Variants in RND1 observed in about 807,000 individuals in gnomAD.
RND1 encodes rho-related GTP-binding protein Rho6.
A neutral mutation model predicts 27.1 loss-of-function variants in RND1; 9 were observed. The observed-to-expected ratio is 0.33, with a 90% CI of 0.20 to 0.58. RND1 has a LOEUF of 0.58. Among genes scored for constraint, RND1 ranks in the 20% least tolerant of loss-of-function variants. RND1 has a pLI of 0.86. For synonymous variants in RND1, 108 were observed against 115.7 expected, an observed-to-expected ratio of 0.93 and a Z score of 0.43; for missense variants, 253 against 292.2, an observed-to-expected ratio of 0.87 and a Z score of 0.98.
rs138627547 is a variant in RND1, at chr12:48,860,148, A to G, written c.453+849T>C. 1.4e-3 allele frequency among the ~76,000 whole-genome samples: 203 copies of G among 149,236 alleles called. 1 individual carries two copies. Among genetic ancestry groups the G allele is most frequent in the Middle Eastern group, 3.7e-3 (1 of 272 alleles). ...GCCCAGGTGGGAGTGCAGTGGCACA[A>G]TCTCAGCTAACTGCAACCTCCATCT... On this transcript the variant is annotated intron_variant, in intron 4 of 4. Transcript: ENST00000309739.
chr12:48,864,406 TGTGTGTGTGTGC>T (rs1014883403), intron 2 of RND1, among the ~76,000 whole-genome samples: 8 of 120,390 alleles, frequency 6.6e-5, no homozygotes, highest in East Asian at 3.1e-4. Flanking sequence ...TGTGTGTGTG[TGTGTGTGTGTGC>T]GCGCGCGCGC....
At chr12:48,859,708 G>A (rs539886007) in intron 4 of RND1, among the ~76,000 whole-genome samples, 1 of 152,224 alleles carries the variant, frequency 6.6e-6, no homozygotes, top group South Asian at 2.1e-4. Context: ...GAAACATACT[G>A]AGACCTTGTC....
At chr12:48,864,918 T>A (rs1487145593) in intron 1 of RND1, 48 bp from the exon 2 acceptor site, 3 of 1,401,110 alleles carry the variant, frequency 2.1e-6, no homozygotes, top group Non-Finnish European at 3.0e-6. Context: ...TACCCTCAGA[T>A]CCCCTGGTTA....
chr12:48,861,905 G>T, intron 3 of RND1, 104 bp downstream of exon 3: 1 of 741,070 alleles, frequency 1.3e-6, no homozygotes. Context: ...TCCTTCCCTG[G>T]CTTCCATTTC....
intron 2 of RND1, among the ~76,000 whole-genome samples, chr12:48,863,126 A>C (rs1007595718): frequency 6.6e-6 from 1 of 151,922 alleles, no homozygotes; most frequent in African/African-American, 2.4e-5. Context: ...GGGGGAGGGG[A>C]GGAGGCCTCC....
intron 4 of RND1, among the ~76,000 whole-genome samples, chr12:48,859,470 G>A (rs181842927): frequency 2.0e-5 from 3 of 151,998 alleles, no homozygotes; most frequent in African/African-American, 7.2e-5. Context: ...AACCCGGGAG[G>A]CAGAGGTTGC....
chr12:48,862,420 C>T (rs1938930083), intron 2 of RND1, among the ~76,000 whole-genome samples: 1 of 152,180 alleles, frequency 6.6e-6, no homozygotes, highest in South Asian at 2.1e-4. Context: ...TTCTGAGTCC[C>T]AGAAGATGCT....
At chr12:48,859,468 A>C (rs1341369504) in intron 4 of RND1, among the ~76,000 whole-genome samples, 3 of 151,994 alleles carry the variant, frequency 2.0e-5, no homozygotes, top group Non-Finnish European at 4.4e-5. Context: ...TGAACCCGGG[A>C]GGCAGAGGTT....
rs1282149184 is a variant in RND1 at position 48,861,082 on chromosome 12, A to G, written c.368T>C (p.Ile123Thr). 1.2e-6 allele frequency: 2 copies of G among 1,614,134 alleles called. No homozygotes were observed. Among genetic ancestry groups the G allele is most frequent in the East Asian group, 2.2e-5 (1 of 44,884 alleles). The change falls in exon 4 of 5, where the codon ATT becomes ACT. Residue 123 changes from isoleucine (I) to threonine (T), a missense_variant. Transcript: ENST00000309739. The part of the protein sequence containing the change: ...DYCPSTRVLL[I>T]GCKTDLRTDL... ...TGTTCGCAGGTCTGTCTTGCAGCCA[A>G]TGAGCAAAACGCGGGTGCTGGGACA...
At chr12:48,864,416 T>TGTGTGTGTGTGTGTGTGTGTGTGTGCGC (rs141121524) in intron 2 of RND1, among the ~76,000 whole-genome samples, 1 of 135,460 alleles carries the variant, frequency 7.4e-6, no homozygotes, top group African/African-American at 2.7e-5. Context: ...TGTGTGTGTG[T>TGTGTGTGTGTGTGTGTGTGTGTGTGCGC]GCGCGCGCGC....
At position 48,857,630 on chromosome 12, in the gene RND1, T is replaced by C. The variant is rs1242591893; in HGVS notation, c.*366A>G. The C allele has an allele frequency of 1.8e-5, 3 of 169,516 alleles. No homozygotes were observed. Among genetic ancestry groups the C allele is most frequent in the Non-Finnish European group, 2.5e-5 (2 of 79,368 alleles). The allele number at this position is 169,516 out of a possible 1,614,324, so 10.5% of individuals were successfully genotyped here. A position where few individuals can be genotyped will look rare whatever the true frequency, so the allele number is the denominator to read the frequency against. On this transcript the variant is annotated 3_prime_UTR_variant, in exon 5 of 5. Coordinates refer to ENST00000309739, the MANE Select transcript of RND1 (RefSeq NM_014470.4). ...GACCCCTCCCATCCCCTGACCTGCA[T>C]GGAAACGCTGTGTGGAAGAGGCATG...
intron 4 of RND1, among the ~76,000 whole-genome samples, chr12:48,860,225 G>C (rs1331475461): frequency 6.6e-6 from 1 of 151,178 alleles, no homozygotes; most frequent in African/African-American, 2.4e-5. Flanking sequence ...CTGGGATTAC[G>C]GGTGCATGCC....
chr12:48,864,428 C>T (rs10783286), intron 2 of RND1, among the ~76,000 whole-genome samples: 75,353 of 147,346 alleles, frequency 0.51, 19,386 homozygotes, highest in Admixed American at 0.58. Context: ...CGCGCGCGCG[C>T]GTGTGTGTGC....
rs553155199 is a variant in RND1 at position 48,858,116 on chromosome 12, T to C, written c.579A>G (p.Pro193=). 18 of 1,614,198 alleles carry C rather than the reference T, an allele frequency of 1.1e-5. No homozygotes were observed. Among genetic ancestry groups the C allele is most frequent in the East Asian group, 2.2e-5 (1 of 44,886 alleles). ...TTCGGACAGGGCTCTTCTGGGGCAG[T>C]GGGCTAGGCTTGTTCAGACACAGCA... ...ASMLCLNKPS[P]LPQKSPVRSL... Residue 193 remains proline, a synonymous_variant, in exon 5 of 5, where the codon CCA becomes CCG. Coordinates refer to ENST00000309739, the MANE Select transcript of RND1 (RefSeq NM_014470.4).
intron 2 of RND1, among the ~76,000 whole-genome samples, chr12:48,863,908 G>C (rs751138624): frequency 6.6e-6 from 1 of 151,996 alleles, no homozygotes; most frequent in Admixed American, 6.6e-5. Context: ...TTATGACTCT[G>C]AGCCAGTCTA....
At chr12:48,865,432 G>A (rs1224642496) in intron 1 of RND1, 1 of 588,696 alleles carries the variant, frequency 1.7e-6, no homozygotes, top group Non-Finnish European at 3.1e-6. Flanking sequence ...AAGAGGTGAG[G>A]AGGAGCCAGC....
chr12:48,864,433 G>GTT (rs1938960761), intron 2 of RND1, among the ~76,000 whole-genome samples: 1 of 151,812 alleles, frequency 6.6e-6, no homozygotes, highest in Non-Finnish European at 1.5e-5. Context: ...GCGCGCGTGT[G>GTT]TGTGCATGTG....
intron 2 of RND1, among the ~76,000 whole-genome samples, chr12:48,863,092 C>T (rs533786956): frequency 2.4e-4 from 36 of 152,126 alleles, no homozygotes; most frequent in South Asian, 6.2e-4. Context: ...CACTGAGGAG[C>T]GGAAGCACTG....
Position 48,860,988 on chromosome 12 carries a change from C to T in RND1, c.453+9G>A, listed in dbSNP as rs113746590. On this transcript the variant is annotated intron_variant, in intron 4 of 4. Transcript: ENST00000309739. ...CCACCCCACGACATGCACTTGCATG[C>T]GCACACACCTGCTCATAGGAGATGG... 56 of 1,612,902 alleles carry T rather than the reference C, an allele frequency of 3.5e-5. 1 individual carries two copies. The African/African-American group carries it at 4.0e-4, about 12-fold the overall frequency.
Sources: gnomAD v4.1 joint callset for allele counts (sites outside exome capture counted in the v4.1 genomes callset) on GRCh38, gnomAD v4.1.1 for gene constraint, MANE v1.5 for transcripts, NCBI Gene and HGNC (gene_info 2026-07-23, HGNC 2026-07-21) for gene names.